The following CTNND2 variants were observed in gnomAD, a reference collection of about 807,000 sequenced individuals.
The protein encoded by CTNND2 is catenin delta 2, also known as catenin delta-2.
A neutral mutation model predicts 144.4 loss-of-function variants in CTNND2; 22 were observed. The ratio of observed to expected loss-of-function variants is 0.15; its 90% CI spans 0.11 to 0.22. The LOEUF (loss-of-function observed/expected upper bound fraction) is 0.22. Among genes scored for constraint, CTNND2 ranks in the 10% least tolerant of loss-of-function variants. CTNND2 has a pLI of 1.00. For missense variants in CTNND2, 1,353 were observed against 1,618.8 expected (o/e 0.84, Z 2.82); for synonymous variants, 751 against 695.6 (o/e 1.08, Z -1.25).
chr5:11,774,914 A>G (rs1316950123), intron 1 of CTNND2, among the ~76,000 whole-genome samples: 1 of 152,138 alleles, frequency 6.6e-6, no homozygotes, highest in Non-Finnish European at 1.5e-5. Flanking sequence ...TACATACAAC[A>G]CCGTTCAGCT....
chr5:11,205,015 A>G (rs963097877), intron 10 of CTNND2, among the ~76,000 whole-genome samples: 1 of 152,202 alleles, frequency 6.6e-6, no homozygotes, highest in Non-Finnish European at 1.5e-5. Context: ...AAGGACCTCA[A>G]AACAGGTAAG....
intron 9 of CTNND2, among the ~76,000 whole-genome samples, chr5:11,299,930 C>T (rs1263261829): frequency 6.6e-6 from 1 of 150,730 alleles, no homozygotes; most frequent in African/African-American, 2.4e-5. Context: ...CATGTAGAAA[C>T]ACGGCCACTT....
chr5:11,463,722 C>A (rs566111440), intron 3 of CTNND2, among the ~76,000 whole-genome samples: 20 of 151,600 alleles, frequency 1.3e-4, no homozygotes, highest in African/African-American at 4.6e-4. Flanking sequence ...TATATCATGA[C>A]GCAAAAAGCA....
At chr5:11,863,293 C>G (rs1268096706) in intron 1 of CTNND2, among the ~76,000 whole-genome samples, 1 of 152,186 alleles carries the variant, frequency 6.6e-6, no homozygotes, top group African/African-American at 2.4e-5. Context: ...TGGTATATCC[C>G]GAAAATATTC....
At chr5:11,043,087 A>ATT (rs199870626) in intron 16 of CTNND2, among the ~76,000 whole-genome samples, 15 of 144,974 alleles carry the variant, frequency 1.0e-4, no homozygotes, top group South Asian at 4.3e-4. Context: ...GTCAGAGCTT[A>ATT]TTTTTTTTTT....
At chr5:11,411,417 G>A in intron 5 of CTNND2, 119 bp downstream of exon 5, 2 of 657,300 alleles carry the variant, frequency 3.0e-6, no homozygotes, top group Non-Finnish European at 5.4e-6. Context: ...GATAAAACAA[G>A]TATAAAAATA....
chr5:11,412,358 C>T lies in CTNND2; in HGVS notation c.288-289G>A, dbSNP rs554055531. Among the ~76,000 whole-genome samples, 5 of 152,198 alleles carry T rather than the reference C, an allele frequency of 3.3e-5. No individual in the cohort carries two copies. The South Asian group carries it at 8.3e-4, about 25-fold the overall frequency. ...CCCAACCTGTTAGACTCATTCTTTA[C>T]AATAGCTTCTCTATACATGCAGTTT... On this transcript the variant is annotated intron_variant, in intron 3 of 21. Transcript: ENST00000304623.
At chr5:11,414,464 T>G (rs755847632) in intron 3 of CTNND2, among the ~76,000 whole-genome samples, 2 of 152,212 alleles carry the variant, frequency 1.3e-5, no homozygotes, top group African/African-American at 4.8e-5. Flanking sequence ...AAGGCCCAGT[T>G]AATTCACAAC....
intron 2 of CTNND2, among the ~76,000 whole-genome samples, chr5:11,730,577 T>C (rs1787331467): frequency 2.0e-5 from 3 of 152,222 alleles, no homozygotes; most frequent in African/African-American, 7.2e-5. Flanking sequence ...CCTTGCATTC[T>C]CATATATTTA....
At position 11,215,500 on chromosome 5, in the gene CTNND2, T is replaced by C. The variant is rs369492113; in HGVS notation, c.1762-15839A>G. On this transcript the variant is annotated intron_variant, in intron 10 of 21. Coordinates refer to ENST00000304623, the MANE Select transcript of CTNND2 (RefSeq NM_001332.4). Reference sequence around the variant, plus strand: ...TTGTTTTCTTTAATGCAAAAATATGTAAAAGCATGTGAAATAGTGTAGCAC... The same window carrying C: ...TTGTTTTCTTTAATGCAAAAATATGCAAAAGCATGTGAAATAGTGTAGCAC... Among the ~76,000 whole-genome samples the C allele has an allele frequency of 2.4e-4, 36 of 152,306 alleles. 1 individual carries two copies. In the East Asian group the frequency reaches 5.4e-3, roughly 23 times the overall value.
chr5:11,046,451 G>C (rs1357519058), intron 16 of CTNND2, among the ~76,000 whole-genome samples: 1 of 152,194 alleles, frequency 6.6e-6, no homozygotes, highest in East Asian at 1.9e-4. Flanking sequence ...GAAACTTCCT[G>C]CCTCCAGCAC....
At chr5:11,872,918 C>T (rs1476863601) in intron 1 of CTNND2, among the ~76,000 whole-genome samples, 5 of 152,102 alleles carry the variant, frequency 3.3e-5, no homozygotes, top group Admixed American at 1.3e-4. Flanking sequence ...CTAGGCAATA[C>T]CATTCAGGAC....
intron 9 of CTNND2, among the ~76,000 whole-genome samples, chr5:11,240,775 C>G (rs1161772371): frequency 7.2e-6 from 1 of 138,074 alleles, no homozygotes; most frequent in Non-Finnish European, 1.6e-5. Flanking sequence ...CAAATACATT[C>G]AGCACACACA....
intron 1 of CTNND2, among the ~76,000 whole-genome samples, chr5:11,782,519 A>G (rs374004131): frequency 2.6e-5 from 4 of 152,350 alleles, no homozygotes; most frequent in African/African-American, 9.6e-5. Flanking sequence ...CCTGGTGCCC[A>G]CATGGAGGTA....
At chr5:11,187,689 T>C (rs1489521008) in intron 11 of CTNND2, among the ~76,000 whole-genome samples, 1 of 151,972 alleles carries the variant, frequency 6.6e-6, no homozygotes, top group Non-Finnish European at 1.5e-5. Flanking sequence ...TGGGAGAAAA[T>C]TTTTGCAGTC....
chr5:11,460,933 C>T (rs112709408), intron 3 of CTNND2, among the ~76,000 whole-genome samples: 2,308 of 152,122 alleles, frequency 0.015, 60 homozygotes, highest in African/African-American at 0.052. Context: ...TCTGTAATCC[C>T]AGCTACTTGG....
At chr5:11,453,502 T>C (rs1765465501) in intron 3 of CTNND2, among the ~76,000 whole-genome samples, 1 of 152,348 alleles carries the variant, frequency 6.6e-6, no homozygotes, top group African/African-American at 2.4e-5. Flanking sequence ...AATTTTTTCA[T>C]TGCTTATTGT....
intron 3 of CTNND2, among the ~76,000 whole-genome samples, chr5:11,433,573 A>G (rs1763493290): frequency 6.6e-6 from 1 of 152,222 alleles, no homozygotes; most frequent in Admixed American, 6.5e-5. Context: ...GCTTCCAATC[A>G]TGGCAGAAGG....
At chr5:11,741,889 T>G (rs1290549972) in intron 1 of CTNND2, among the ~76,000 whole-genome samples, 1 of 150,982 alleles carries the variant, frequency 6.6e-6, no homozygotes, top group Non-Finnish European at 1.5e-5. Context: ...AATGAAATAA[T>G]GTTATTTGCA....
Sources: gnomAD v4.1 joint callset for allele counts (sites outside exome capture counted in the v4.1 genomes callset) on GRCh38, gnomAD v4.1.1 for gene constraint, MANE v1.5 for transcripts, NCBI Gene and HGNC (gene_info 2026-07-23, HGNC 2026-07-21) for gene names.